PDE4DIP: variants seen among roughly 807,000 people sequenced by gnomAD.
PDE4DIP encodes the protein phosphodiesterase 4D interacting protein, also known as myomegalin.
In PDE4DIP, 59 loss-of-function variants were observed where a neutral mutation model predicts 221.4. That is an observed-to-expected ratio of 0.27 (90% CI 0.22 to 0.33). The LOEUF is 0.33. Ranked by LOEUF, PDE4DIP falls within the 10% of genes least tolerant of loss-of-function variation. The pLI is 1.00. For synonymous variants in PDE4DIP, 404 were observed against 815.9 expected (o/e 0.50, Z 8.60); for missense variants, 1,036 against 2,154.2 (o/e 0.48, Z 10.28).
intron 1 of PDE4DIP, among the ~76,000 whole-genome samples, chr1:148,927,393 C>G (rs2046958311): frequency 6.6e-6 from 1 of 151,964 alleles, no homozygotes; most frequent in African/African-American, 2.4e-5. Context: ...GTCCAACTGC[C>G]TTCCAGCTCT....
exon 38 of PDE4DIP, chr1:149,024,537 C>A (rs182136884): frequency 4.3e-6 from 4 of 932,340 alleles, no homozygotes; most frequent in Admixed American, 2.1e-5. Context: ...GCAGCTGGAG[C>A]AGAGCATTCA....
At chr1:148,975,521 T>C (rs1433730686) in intron 17 of PDE4DIP, among the ~76,000 whole-genome samples, 2 of 151,834 alleles carry the variant, frequency 1.3e-5, no homozygotes, top group African/African-American at 2.4e-5. Flanking sequence ...TTTTGTGACT[T>C]CACATACTTC....
chr1:149,028,694 T>G (rs2075873956), exon 41 of PDE4DIP: 1 of 1,581,226 alleles, frequency 6.3e-7, no homozygotes, highest in Non-Finnish European at 8.6e-7. Context: ...CTGTGCTGCC[T>G]GGCAAAGTGG....
intron 3 of PDE4DIP, among the ~76,000 whole-genome samples, chr1:148,883,345 T>TA (rs1351653893): frequency 7.9e-6 from 1 of 126,448 alleles, no homozygotes. Context: ...TCAAGGAAGG[T>TA]AAAGGTAAGA....
intron 14 of PDE4DIP, among the ~76,000 whole-genome samples, chr1:148,971,730 G>T (rs587639061): frequency 4.6e-5 from 7 of 152,106 alleles, no homozygotes; most frequent in African/African-American, 1.7e-4. Flanking sequence ...GATAGGATAC[G>T]CAGGAAAGAC....
chr1:148,953,222 A>C (rs781897189), intron 5 of PDE4DIP: 10 of 1,613,094 alleles, frequency 6.2e-6, no homozygotes, highest in Non-Finnish European at 8.5e-7. Context: ...TGAGGATCAG[A>C]TCCAGGAGCC....
At chr1:148,863,765 ATT>A (rs1178502190) in intron 2 of PDE4DIP, among the ~76,000 whole-genome samples, 1 of 118,062 alleles carries the variant, frequency 8.5e-6, no homozygotes, top group African/African-American at 3.9e-5. Flanking sequence ...TCACACGAGA[ATT>A]ATAAGCTAGC....
intron 1 of PDE4DIP, among the ~76,000 whole-genome samples, chr1:148,925,095 TG>T (rs2046425073): frequency 1.5e-5 from 2 of 135,742 alleles, no homozygotes; most frequent in Non-Finnish European, 3.1e-5. Flanking sequence ...ATGTGATTTT[TG>T]TGCATAATTT....
chr1:149,018,407 G>GC (rs2071449265), intron 34 of PDE4DIP, 135 bp from the exon 38 acceptor site: 1 of 465,136 alleles, frequency 2.1e-6, no homozygotes, highest in Non-Finnish European at 3.9e-6. Context: ...CATGTACCCA[G>GC]CCCCCCACGC....
rs782345631 is a variant in PDE4DIP at position 148,953,217 on chromosome 1, A to T, written c.637-7437A>T. On this transcript the variant is annotated intron_variant, in intron 5 of 43. Coordinates refer to ENST00000369354, the Ensembl canonical transcript of PDE4DIP. ...TTTGAGTGCTGGGTGGAGAATGAGG[A>T]TCAGATCCAGGAGCCACACAGCTGC... 4.3e-6 allele frequency: 7 copies of T among 1,613,466 alleles called. No homozygotes were observed. The South Asian group carries it at 6.6e-5, about 15-fold the overall frequency.
At chr1:148,931,552 A>C (rs2047987927) in intron 2 of PDE4DIP, 1 of 340,036 alleles carries the variant, frequency 2.9e-6, no homozygotes, top group African/African-American at 2.4e-5. Context: ...CATCAGAGAA[A>C]TATAAATCAA....
chr1:148,978,714 C>A (rs1223830024), intron 19 of PDE4DIP, among the ~76,000 whole-genome samples: 1 of 151,994 alleles, frequency 6.6e-6, no homozygotes, highest in Admixed American at 6.6e-5. Context: ...TCCTGAGTAG[C>A]TGGAGCTGCA....
chr1:148,969,051 C>G (rs1553521923), intron 14 of PDE4DIP, 21 bp downstream of exon 17: 1 of 1,591,148 alleles, frequency 6.3e-7, no homozygotes, highest in Non-Finnish European at 8.6e-7. Context: ...ATGCACAGAT[C>G]AGACAAGTGT....
chr1:148,960,059 C>A (rs1462908001), intron 5 of PDE4DIP, among the ~76,000 whole-genome samples: 4 of 152,260 alleles, frequency 2.6e-5, no homozygotes, highest in African/African-American at 9.6e-5. Context: ...TAGTATACTC[C>A]TTTACCCTAA....
At chr1:148,984,844 T>C (rs1235233999) in intron 21 of PDE4DIP, 3 of 152,232 alleles carry the variant, frequency 2.0e-5, no homozygotes. Flanking sequence ...TAGTTCCCAT[T>C]GATAGGATAA....
At chr1:148,952,063 G>A (rs1443756158) in intron 5 of PDE4DIP, 56 of 1,012,776 alleles carry the variant, frequency 5.5e-5, no homozygotes, top group Non-Finnish European at 6.6e-5. Context: ...GAGAATGCAG[G>A]GAGGGGATTC....
chr1:149,016,341 G>A, exon 33 of PDE4DIP: 1 of 1,608,280 alleles, frequency 6.2e-7, no homozygotes, highest in Non-Finnish European at 8.5e-7. Context: ...ACATTGCTGA[G>A]CAACGACTTG....
chr1:148,998,261 A>G (rs781903325), exon 23 of PDE4DIP: 2 of 1,610,208 alleles, frequency 1.2e-6, no homozygotes, highest in Admixed American at 1.7e-5. Context: ...GAAATGCTCC[A>G]CCTGAGGGCT....
chr1:148,981,467 C>T (rs782507875), intron 21 of PDE4DIP, 70 bp downstream of exon 24: 1 of 1,596,912 alleles, frequency 6.3e-7, no homozygotes, highest in East Asian at 2.2e-5. Context: ...CAGACTGCAG[C>T]CCAGGATGGA....
Sources: gnomAD v4.1 joint callset for allele counts (sites outside exome capture counted in the v4.1 genomes callset) on GRCh38, gnomAD v4.1.1 for gene constraint, MANE v1.5 for transcripts, NCBI Gene and HGNC (gene_info 2026-07-23, HGNC 2026-07-21) for gene names.